HTR2C: variants seen among roughly 807,000 people sequenced by gnomAD.
HTR2C encodes 5-hydroxytryptamine (serotonin) receptor 2C, G protein-coupled.
HTR2C carries 5 observed loss-of-function variants against 21.0 expected under a neutral mutation model. The observed-to-expected ratio is 0.24, with a 90% CI of 0.12 to 0.50. The LOEUF (loss-of-function observed/expected upper bound fraction) is 0.50. HTR2C is among the 20% of genes least tolerant of loss of function. The probability of loss-of-function intolerance (pLI) is 0.98; values close to 1 mark genes in which losing one functional copy is unlikely to be tolerated. For missense variants in HTR2C, 271 were observed against 371.2 expected, an observed-to-expected ratio of 0.73 and a Z score of 2.22; for synonymous variants, 150 against 145.3, an observed-to-expected ratio of 1.03 and a Z score of -0.23.
At chrX:114,715,353 C>G in intron 2 of HTR2C, 1 of 380,851 alleles carries the variant, frequency 2.6e-6, no homozygotes, top group South Asian at 2.4e-5. Context: ...CAGCTGGAAC[C>G]CTCCACAACC....
At chrX:114,640,667 A>T (rs1350882361) in intron 2 of HTR2C, among the ~76,000 whole-genome samples, 6 of 112,339 alleles carry the variant, frequency 5.3e-5, no homozygotes, top group Non-Finnish European at 9.4e-5. Flanking sequence ...GCAATGGCAC[A>T]AACATCTTTT....
chrX:114,617,327 C>A (rs1284964407), intron 2 of HTR2C, among the ~76,000 whole-genome samples: 1 of 111,477 alleles, frequency 9.0e-6, no homozygotes, highest in African/African-American at 3.3e-5. Context: ...GTAGTTCTAG[C>A]TATTCAGGAG....
chrX:114,829,985 G>C (rs1238717167), intron 4 of HTR2C, among the ~76,000 whole-genome samples: 2 of 110,771 alleles, frequency 1.8e-5, no homozygotes, highest in Non-Finnish European at 3.8e-5. Context: ...ATTTATTTTA[G>C]GATTAGCATT....
intron 4 of HTR2C, among the ~76,000 whole-genome samples, chrX:114,763,775 C>A (rs781939952): frequency 1.5e-4 from 16 of 110,189 alleles, no homozygotes; most frequent in African/African-American, 3.9e-4. Context: ...CAAATCAGTT[C>A]ATGAGGTGAT....
At chrX:114,752,754 C>G (rs782047757) in intron 4 of HTR2C, among the ~76,000 whole-genome samples, 33 of 110,804 alleles carry the variant, frequency 3.0e-4, no homozygotes, top group African/African-American at 1.1e-3. Flanking sequence ...CAGCCTAGCA[C>G]CCCTTCTTTT....
intron 1 of HTR2C, among the ~76,000 whole-genome samples, chrX:114,600,452 A>C (rs1304178427): frequency 9.5e-6 from 1 of 105,512 alleles, no homozygotes; most frequent in Non-Finnish European, 2.0e-5. Flanking sequence ...GTGTATTTTC[A>C]AATATCTCAG....
At chrX:114,641,949 C>T (rs782280712) in intron 2 of HTR2C, among the ~76,000 whole-genome samples, 1 of 111,112 alleles carries the variant, frequency 9.0e-6, no homozygotes, top group Non-Finnish European at 1.9e-5. Flanking sequence ...CCTGTGTCCA[C>T]GTTTTCTCAC....
chrX:114,627,562 C>T (rs1241285468), intron 2 of HTR2C, among the ~76,000 whole-genome samples: 1 of 111,073 alleles, frequency 9.0e-6, no homozygotes, highest in Non-Finnish European at 1.9e-5. Flanking sequence ...AAGGTTTATA[C>T]ATGTACAAAG....
intron 2 of HTR2C, among the ~76,000 whole-genome samples, chrX:114,672,515 T>G (rs1023876636): frequency 4.4e-5 from 5 of 112,539 alleles, no homozygotes; most frequent in Non-Finnish European, 9.4e-5. Flanking sequence ...AGGGGTATGC[T>G]ATCTATAAGA....
At chrX:114,789,261 A>G (rs1190428910) in intron 4 of HTR2C, among the ~76,000 whole-genome samples, 4 of 112,158 alleles carry the variant, frequency 3.6e-5, no homozygotes, top group Non-Finnish European at 5.6e-5. Context: ...GTGCCACAGA[A>G]TGCCAAATAT....
At chrX:114,657,419 A>G (rs1000341004) in intron 2 of HTR2C, among the ~76,000 whole-genome samples, 2 of 111,449 alleles carry the variant, frequency 1.8e-5, no homozygotes, top group African/African-American at 3.2e-5. Context: ...ACCCACAATA[A>G]TAATATGTAT....
intron 2 of HTR2C, among the ~76,000 whole-genome samples, chrX:114,704,703 G>T (rs1556417646): frequency 9.0e-6 from 1 of 111,279 alleles, no homozygotes; most frequent in African/African-American, 3.3e-5. Context: ...GGAAGTGCTG[G>T]CCAGGCAATC....
At chrX:114,891,833 T>A (rs781952888) in intron 5 of HTR2C, among the ~76,000 whole-genome samples, 10 of 111,302 alleles carry the variant, frequency 9.0e-5, no homozygotes, top group African/African-American at 3.2e-4. Context: ...TGGGGAAGTA[T>A]CTTTGTTCCT....
intron 2 of HTR2C, among the ~76,000 whole-genome samples, chrX:114,697,252 T>C (rs1932307347): frequency 8.9e-6 from 1 of 112,489 alleles, no homozygotes; most frequent in African/African-American, 3.2e-5. Flanking sequence ...TTGTGTATAT[T>C]ATGCAAGCAG....
At chrX:114,610,581 G>A (rs1325996678) in intron 1 of HTR2C, among the ~76,000 whole-genome samples, 2 of 111,526 alleles carry the variant, frequency 1.8e-5, no homozygotes, top group African/African-American at 6.5e-5. Context: ...AAAATATTCT[G>A]TGCACAATTT....
intron 2 of HTR2C, among the ~76,000 whole-genome samples, chrX:114,721,746 T>A (rs1362283758): frequency 1.8e-5 from 2 of 110,916 alleles, no homozygotes; most frequent in Non-Finnish European, 3.8e-5. Context: ...GGCTAGCCAG[T>A]TTTCCCAGCA....
At chrX:114,641,904 C>T (rs1556406566) in intron 2 of HTR2C, among the ~76,000 whole-genome samples, 1 of 110,817 alleles carries the variant, frequency 9.0e-6, no homozygotes, top group Non-Finnish European at 1.9e-5. Context: ...ACCCCCACTC[C>T]CCGGCAAAAA....
chrX:114,830,781 G>T (rs2070717043), intron 4 of HTR2C, among the ~76,000 whole-genome samples: 1 of 97,869 alleles, frequency 1.0e-5, no homozygotes, highest in Non-Finnish European at 2.0e-5. Flanking sequence ...GTGCCATGCT[G>T]GTGCGCTGCA....
At chrX:114,709,199 T>C (rs1189928195) in intron 2 of HTR2C, among the ~76,000 whole-genome samples, 4 of 112,257 alleles carry the variant, frequency 3.6e-5, no homozygotes, top group Non-Finnish European at 5.6e-5. Context: ...TCTTTTATCA[T>C]TAAAAAGCGT....
Sources: gnomAD v4.1 joint callset for allele counts (sites outside exome capture counted in the v4.1 genomes callset) on GRCh38, gnomAD v4.1.1 for gene constraint, MANE v1.5 for transcripts, NCBI Gene and HGNC (gene_info 2026-07-23, HGNC 2026-07-21) for gene names.